RAP1B: variants seen among roughly 807,000 people sequenced by gnomAD.
RAP1B encodes the protein RAP1B, member of RAS oncogene family, also known as ras-related protein Rap-1b.
RAP1B carries 1 observed loss-of-function variant against 27.5 expected under a neutral mutation model. The ratio of observed to expected loss-of-function variants is 0.04; its 90% CI spans 0.01 to 0.17. RAP1B has a LOEUF of 0.17. Among genes scored for constraint, RAP1B ranks in the 10% least tolerant of loss-of-function variants. The pLI is 1.00. For missense variants in RAP1B, 84 were observed against 214.8 expected, an observed-to-expected ratio of 0.39 and a Z score of 3.81; for synonymous variants, 75 against 73.1, an observed-to-expected ratio of 1.03 and a Z score of -0.13.
chr12:68,647,472 C>T (rs1034888376), intron 1 of RAP1B, among the ~76,000 whole-genome samples: 1 of 148,586 alleles, frequency 6.7e-6, no homozygotes, highest in African/African-American at 2.5e-5. Context: ...CCACCCACCT[C>T]AGCCTCCCAA....
chr12:68,627,594 G>A (rs939031957), intron 1 of RAP1B, among the ~76,000 whole-genome samples: 1 of 152,000 alleles, frequency 6.6e-6, no homozygotes, highest in African/African-American at 2.4e-5. Flanking sequence ...CCCACTTTTC[G>A]AAATACCCCA....
intron 1 of RAP1B, among the ~76,000 whole-genome samples, chr12:68,622,938 G>A (rs1254475933): frequency 1.3e-5 from 2 of 152,118 alleles, no homozygotes; most frequent in African/African-American, 2.4e-5. Flanking sequence ...CTGGGCTCAA[G>A]GATCTTCCTG....
intron 1 of RAP1B, among the ~76,000 whole-genome samples, chr12:68,637,166 A>G (rs1466975088): frequency 6.6e-6 from 1 of 152,232 alleles, no homozygotes; most frequent in East Asian, 1.9e-4. Flanking sequence ...AATAGTGGGT[A>G]CCAAAATAAG....
chr12:68,615,301 G>A (rs189716341), intron 1 of RAP1B, among the ~76,000 whole-genome samples: 9 of 152,020 alleles, frequency 5.9e-5, no homozygotes, highest in Non-Finnish European at 1.2e-4. Flanking sequence ...AAATGTGGGG[G>A]AAATGTACCA....
At chr12:68,637,937 T>C (rs1035538745) in intron 1 of RAP1B, among the ~76,000 whole-genome samples, 1 of 152,126 alleles carries the variant, frequency 6.6e-6, no homozygotes, top group African/African-American at 2.4e-5. Context: ...TTTTAATGAG[T>C]TAATTTGTTT....
intron 1 of RAP1B, among the ~76,000 whole-genome samples, chr12:68,645,135 T>C (rs1484112666): frequency 1.3e-5 from 2 of 152,254 alleles, no homozygotes; most frequent in African/African-American, 4.8e-5. Context: ...TCTGGGAATA[T>C]GGCAGTGAGT....
intron 1 of RAP1B, among the ~76,000 whole-genome samples, 176 bp downstream of exon 1, chr12:68,611,219 C>G (rs1298582812): frequency 6.8e-6 from 1 of 146,838 alleles, no homozygotes; most frequent in South Asian, 2.1e-4. Flanking sequence ...GGCCAGGCGC[C>G]GGGCCCGCGA....
Position 68,657,139 on chromosome 12 carries a change from T to C in RAP1B, c.507T>C (p.Thr169=), listed in dbSNP as rs1166487148. 1 of 1,613,876 alleles carries C rather than the reference T, an allele frequency of 6.2e-7. No individual in the cohort carries two copies. The highest frequency in any genetic ancestry group is 1.1e-5 in the South Asian group (1 of 91,060). ...TAGTGCGGCAAATTAACAGAAAAAC[T>C]CCAGTGCCTGGGAAGGCTCGCAAAA... ...YDLVRQINRK[T]PVPGKARKKS... Residue 169 remains threonine (T), a synonymous_variant, in exon 7 of 8, where the codon ACT becomes ACC. Coordinates refer to ENST00000250559, the MANE Select transcript of RAP1B (RefSeq NM_001010942.3).
chr12:68,627,315 A>G (rs1245230489), intron 1 of RAP1B: 16 of 785,692 alleles, frequency 2.0e-5, no homozygotes, highest in Non-Finnish European at 3.6e-5. Context: ...TGCTGTTTGC[A>G]GCCATTGCAC....
chr12:68,652,441 C>T (rs763396198), intron 4 of RAP1B, among the ~76,000 whole-genome samples: 26 of 151,798 alleles, frequency 1.7e-4, no homozygotes, highest in Non-Finnish European at 5.9e-5. Flanking sequence ...GGTGACAGAG[C>T]GAGACTCTGT....
intron 1 of RAP1B, among the ~76,000 whole-genome samples, chr12:68,622,432 G>A (rs1871449595): frequency 6.6e-6 from 1 of 152,182 alleles, no homozygotes; most frequent in African/African-American, 2.4e-5. Context: ...AGAAGGTACT[G>A]CATAATCCAG....
At chr12:68,650,503 T>C (rs2135961261) in intron 3 of RAP1B, 35 bp downstream of exon 3, 1 of 1,397,682 alleles carries the variant, frequency 7.2e-7, no homozygotes, top group Non-Finnish European at 9.6e-7. Context: ...TTGCTTTTGA[T>C]TTTAATATAA....
At chr12:68,613,694 CTAGCGCGTTGCCTGGGCACAGTG>C (rs780839882) in intron 1 of RAP1B, among the ~76,000 whole-genome samples, 51 of 152,274 alleles carry the variant, frequency 3.3e-4, no homozygotes, top group South Asian at 1.0e-3. Flanking sequence ...AGTAATCTTC[CTAGCGCGTTGCCTGGGCACAGTG>C]TAGCGCGTTG....
intron 1 of RAP1B, among the ~76,000 whole-genome samples, chr12:68,629,479 C>G (rs1024732883): frequency 1.3e-5 from 2 of 152,186 alleles, no homozygotes; most frequent in Admixed American, 1.3e-4. Context: ...GGCATGAATA[C>G]TTTGATGTTA....
At chr12:68,618,766 CT>C (rs1871195801) in intron 1 of RAP1B, among the ~76,000 whole-genome samples, 1 of 152,100 alleles carries the variant, frequency 6.6e-6, no homozygotes, top group Non-Finnish European at 1.5e-5. Context: ...CACCTAAATG[CT>C]CTTGATGAAG....
At chr12:68,640,851 G>C (rs1022312042) in intron 1 of RAP1B, among the ~76,000 whole-genome samples, 1 of 151,958 alleles carries the variant, frequency 6.6e-6, no homozygotes, top group Non-Finnish European at 1.5e-5. Flanking sequence ...TACCCCATAA[G>C]ACCAGTTTTT....
rs570365770 is a variant in RAP1B at position 68,656,562 on chromosome 12, C to T, written c.468+113C>T. On this transcript the variant is annotated intron_variant, in intron 6 of 7. Transcript: ENST00000250559. ...TACTCAGGGTAATATGTTGATGTTACAGGCAAAAAAAAAAAACCCTCATGT... is the reference window on the plus strand; with the variant it reads ...TACTCAGGGTAATATGTTGATGTTATAGGCAAAAAAAAAAAACCCTCATGT... 43 of 991,332 alleles carry T rather than the reference C, an allele frequency of 4.3e-5. No individual in the cohort carries two copies. In the South Asian group the frequency reaches 6.5e-4, roughly 15 times the overall value. 61.4% of individuals were successfully genotyped at this position (991,332 alleles called of 1,614,324 possible). A position where few individuals can be genotyped will look rare whatever the true frequency, so the allele number is the denominator to read the frequency against.
chr12:68,651,170 T>C (rs2135962056), intron 3 of RAP1B, among the ~76,000 whole-genome samples: 1 of 152,352 alleles, frequency 6.6e-6, no homozygotes, highest in African/African-American at 2.4e-5. Context: ...ATTTGGAACA[T>C]TGCAAGTTTT....
chr12:68,612,689 C>T (rs983755008), intron 1 of RAP1B, among the ~76,000 whole-genome samples: 1 of 152,220 alleles, frequency 6.6e-6, no homozygotes, highest in Non-Finnish European at 1.5e-5. Context: ...GTAGTTTCAT[C>T]CTCAGGTTTT....
Sources: allele counts gnomAD v4.1 joint callset (sites outside exome capture counted in the v4.1 genomes callset), GRCh38; gene constraint gnomAD v4.1.1; transcripts MANE v1.5; gene names NCBI Gene and HGNC (gene_info 2026-07-23, HGNC 2026-07-21).